The following RANBP2 variants were observed in gnomAD, a reference collection of about 807,000 sequenced individuals.
The protein encoded by RANBP2 is E3 SUMO-protein ligase RanBP2.
Under a neutral mutation model 303.6 loss-of-function variants are expected in RANBP2, and 57 were observed. The ratio of observed to expected loss-of-function variants is 0.19; its 90% CI spans 0.15 to 0.23. RANBP2 has a LOEUF of 0.23. Ranked by LOEUF, RANBP2 falls within the 10% of genes least tolerant of loss-of-function variation. RANBP2 has a pLI of 1.00. For missense variants in RANBP2, 3,138 were observed against 3,780.8 expected, an observed-to-expected ratio of 0.83 and a Z score of 4.46; for synonymous variants, 1,167 against 1,301.5, an observed-to-expected ratio of 0.90 and a Z score of 2.23.
the RANBP2 span, among the ~76,000 whole-genome samples, chr2:109,734,858 C>A: frequency 1.3e-5 from 2 of 152,066 alleles, no homozygotes; most frequent in African/African-American, 4.8e-5. Context: ...TGGATTCTTT[C>A]TTTCTTTTTT....
At chr2:109,166,651 G>A in the RANBP2 span, among the ~76,000 whole-genome samples, 2 of 152,262 alleles carry the variant, frequency 1.3e-5, no homozygotes, top group Non-Finnish European at 2.9e-5. Context: ...GAAGTCCTGA[G>A]CAGAAGGAAT....
the RANBP2 span, chr2:109,449,526 G>A: frequency 5.6e-6 from 9 of 1,598,798 alleles, no homozygotes; most frequent in East Asian, 9.0e-5. Flanking sequence ...TGGGCTCGAG[G>A]CCAGCTGCTT....
chr2:109,579,637 C>G, the RANBP2 span, among the ~76,000 whole-genome samples: 1 of 151,488 alleles, frequency 6.6e-6, no homozygotes, highest in African/African-American at 2.4e-5. Context: ...CCCACCTTGG[C>G]CTCCCAAAGT....
At chr2:109,165,990 A>G in the RANBP2 span, among the ~76,000 whole-genome samples, 1 of 151,952 alleles carries the variant, frequency 6.6e-6, no homozygotes, top group Non-Finnish European at 1.5e-5. Context: ...CTGCTATTGC[A>G]TTATTCATTT....
intron 6 of RANBP2, among the ~76,000 whole-genome samples, chr2:108,738,154 C>T (rs1573724578): frequency 6.6e-6 from 1 of 152,172 alleles, no homozygotes; most frequent in Non-Finnish European, 1.5e-5. Context: ...CGGCTCACTG[C>T]AAGCTCTGTT....
chr2:109,204,832 AT>A, the RANBP2 span, among the ~76,000 whole-genome samples: 4 of 152,018 alleles, frequency 2.6e-5, no homozygotes, highest in African/African-American at 9.7e-5. Flanking sequence ...GATTCCCTGT[AT>A]TTTCTGTAGC....
At chr2:109,700,887 A>G in the RANBP2 span, among the ~76,000 whole-genome samples, 1 of 152,094 alleles carries the variant, frequency 6.6e-6, no homozygotes, top group South Asian at 2.1e-4. Flanking sequence ...TGGCCTAGCA[A>G]CAGGTGGGAA....
the RANBP2 span, among the ~76,000 whole-genome samples, chr2:108,949,054 T>C: frequency 6.6e-6 from 1 of 152,210 alleles, no homozygotes; most frequent in Non-Finnish European, 1.5e-5. Flanking sequence ...ATGGCTTCAC[T>C]GCAGTCTCGA....
the RANBP2 span, chr2:109,614,340 G>T: frequency 4.4e-6 from 3 of 687,990 alleles, no homozygotes; most frequent in Non-Finnish European, 6.0e-6. Flanking sequence ...GCCCAGTGAG[G>T]CGGTGGCCGA....
the RANBP2 span, among the ~76,000 whole-genome samples, chr2:109,636,018 T>A: frequency 6.6e-6 from 1 of 152,162 alleles, no homozygotes; most frequent in Non-Finnish European, 1.5e-5. Context: ...CTAGAATTAG[T>A]GCCCCTACAG....
the RANBP2 span, among the ~76,000 whole-genome samples, chr2:109,229,106 C>T: frequency 2.0e-5 from 3 of 152,260 alleles, no homozygotes; most frequent in East Asian, 1.9e-4. Flanking sequence ...AATATCAGAA[C>T]AAAAGATACT....
At chr2:108,756,719 G>C (rs1454534535) in intron 17 of RANBP2, among the ~76,000 whole-genome samples, 2 of 152,196 alleles carry the variant, frequency 1.3e-5, no homozygotes, top group African/African-American at 4.8e-5. Flanking sequence ...TACTGACTCT[G>C]CCATTAATTA....
chr2:109,486,535 C>A, the RANBP2 span, among the ~76,000 whole-genome samples: 1 of 152,220 alleles, frequency 6.6e-6, no homozygotes, highest in Non-Finnish European at 1.5e-5. Context: ...AACATAATCA[C>A]CAGATATTGA....
the RANBP2 span, chr2:109,565,768 A>C: frequency 1.9e-6 from 3 of 1,613,324 alleles, no homozygotes; most frequent in Non-Finnish European, 2.5e-6. Context: ...TTTACCTTGT[A>C]CAACACCCCA....
chr2:109,172,798 TAA>T, the RANBP2 span, among the ~76,000 whole-genome samples: 5 of 152,264 alleles, frequency 3.3e-5, no homozygotes, highest in Admixed American at 1.3e-4. Context: ...GGAAGTGGTC[TAA>T]GTTTCCCAGT....
the RANBP2 span, among the ~76,000 whole-genome samples, chr2:109,058,116 C>A: frequency 6.6e-6 from 1 of 152,202 alleles, no homozygotes; most frequent in Non-Finnish European, 1.5e-5. Context: ...GTCCATCCTG[C>A]CAGTGATGCC....
At chr2:109,010,213 A>G in the RANBP2 span, among the ~76,000 whole-genome samples, 1 of 152,102 alleles carries the variant, frequency 6.6e-6, no homozygotes, top group Non-Finnish European at 1.5e-5. Context: ...ATTATGAATC[A>G]TGTCTTTTAA....
intron 1 of RANBP2, among the ~76,000 whole-genome samples, chr2:108,725,484 G>C (rs974498946): frequency 6.6e-6 from 1 of 152,230 alleles, no homozygotes; most frequent in Admixed American, 6.5e-5. Flanking sequence ...GGAACTGGCT[G>C]GGCTCAATGG....
the RANBP2 span, among the ~76,000 whole-genome samples, chr2:109,547,441 TC>T: frequency 7.9e-5 from 12 of 151,702 alleles, no homozygotes; most frequent in Non-Finnish European, 1.5e-4. Flanking sequence ...GGGTTATTCT[TC>T]CCGTATACAA....
Sources: allele counts gnomAD v4.1 joint callset (sites outside exome capture counted in the v4.1 genomes callset), GRCh38; gene constraint gnomAD v4.1.1; transcripts MANE v1.5; gene names NCBI Gene and HGNC (gene_info 2026-07-23, HGNC 2026-07-21).